Variants in ADAMTS7 observed in about 807,000 individuals in gnomAD.
ADAMTS7 encodes ADAM metallopeptidase with thrombospondin type 1 motif 7.
A neutral mutation model predicts 172.6 loss-of-function variants in ADAMTS7; 89 were observed. That is an observed-to-expected ratio of 0.52 (90% CI 0.43 to 0.61). The LOEUF (loss-of-function observed/expected upper bound fraction) is 0.61, where lower values mean the gene tolerates loss of function less well. ADAMTS7 is among the 20% of genes least tolerant of loss of function. ADAMTS7 has a pLI of 0.00. For missense variants in ADAMTS7, 1,973 were observed against 2,355.6 expected (o/e 0.84, Z 3.36); for synonymous variants, 885 against 978.4 (o/e 0.90, Z 1.78).
chr15:78,770,063 T>C (rs528934461), intron 16 of ADAMTS7, among the ~76,000 whole-genome samples: 1 of 152,104 alleles, frequency 6.6e-6, no homozygotes, highest in East Asian at 1.9e-4. Context: ...CTCGGGAGGC[T>C]GAGGAAGGAG....
chr15:78,784,443 G>T (rs987518380), intron 8 of ADAMTS7, among the ~76,000 whole-genome samples: 11 of 150,044 alleles, frequency 7.3e-5, no homozygotes, highest in African/African-American at 2.2e-4. Context: ...GGATAGAAAA[G>T]AAAATAAAAT....
intron 19 of ADAMTS7, 136 bp downstream of exon 19, chr15:78,765,509 C>T: frequency 7.0e-7 from 1 of 1,430,446 alleles, no homozygotes; most frequent in Non-Finnish European, 9.5e-7. Context: ...CCCCTCATCC[C>T]CCTAATCCTG....
At chr15:78,783,233 C>T (rs1394543637) in intron 8 of ADAMTS7, among the ~76,000 whole-genome samples, 6 of 152,190 alleles carry the variant, frequency 3.9e-5, no homozygotes, top group Non-Finnish European at 7.3e-5. Context: ...AGTATCTCTG[C>T]ATCTCCTTGC....
At chr15:78,781,514 G>C (rs2055428601) in intron 8 of ADAMTS7, among the ~76,000 whole-genome samples, 1 of 152,132 alleles carries the variant, frequency 6.6e-6, no homozygotes, top group Non-Finnish European at 1.5e-5. Flanking sequence ...CAAGGCTCTG[G>C]GAGGCCCCGG....
intron 19 of ADAMTS7, among the ~76,000 whole-genome samples, chr15:78,765,380 C>T (rs1596172271): frequency 3.9e-5 from 6 of 152,358 alleles, no homozygotes; most frequent in Admixed American, 3.9e-4. Flanking sequence ...ATGCGGGGAC[C>T]GTCCCCACTG....
At chr15:78,775,959 T>A (rs1003437237) in intron 11 of ADAMTS7, among the ~76,000 whole-genome samples, 1 of 152,154 alleles carries the variant, frequency 6.6e-6, no homozygotes, top group Non-Finnish European at 1.5e-5. Context: ...GTCTCTCTAG[T>A]CTCTGGGCCT....
At chr15:78,768,709 A>AGCT (rs1399518671) in intron 16 of ADAMTS7, among the ~76,000 whole-genome samples, 2 of 152,198 alleles carry the variant, frequency 1.3e-5, no homozygotes, top group Non-Finnish European at 2.9e-5. Context: ...GATCCATGCC[A>AGCT]GCTGCTGTTA....
rs990526570 is a variant in ADAMTS7 at position 78,776,581 on chromosome 15, C to G, written c.1560+168G>C. ...CCCTGGGGAATCATGGAATCAAGCC[C>G]TGGCCCCAATGCCTCCACTTTGCAG... On this transcript the variant is annotated intron_variant, in intron 10 of 23. Transcript: ENST00000388820. 8.1e-6 allele frequency: 7 copies of G among 867,246 alleles called. No homozygotes were observed. The African/African-American group carries it at 1.0e-4, about 13-fold the overall frequency. 53.7% of individuals were successfully genotyped at this position (867,246 alleles called of 1,614,324 possible). A position where few individuals can be genotyped will look rare whatever the true frequency, so the allele number is the denominator to read the frequency against.
At chr15:78,808,568 GT>G (rs1567248314) in intron 1 of ADAMTS7, among the ~76,000 whole-genome samples, 2 of 152,092 alleles carry the variant, frequency 1.3e-5, no homozygotes, top group African/African-American at 4.8e-5. Flanking sequence ...AACTTGTATT[GT>G]TTTGCCATTA....
intron 23 of ADAMTS7, among the ~76,000 whole-genome samples, chr15:78,761,751 TGTGTGTGTGCGCGCACG>T (rs1461506054): frequency 6.6e-6 from 1 of 151,980 alleles, no homozygotes; most frequent in Non-Finnish European, 1.5e-5. Flanking sequence ...TTGGCGTGTG[TGTGTGTGTGCGCGCACG>T]CACACATGCT....
chr15:78,764,134 A>G, intron 20 of ADAMTS7, 35 bp from the exon 21 acceptor site: 1 of 1,486,016 alleles, frequency 6.7e-7, no homozygotes, highest in Non-Finnish European at 9.0e-7. Flanking sequence ...ACACATCCCC[A>G]TGTGCAGGCC....
At chr15:78,770,244 G>T (rs893110228) in intron 16 of ADAMTS7, among the ~76,000 whole-genome samples, 2 of 151,478 alleles carry the variant, frequency 1.3e-5, no homozygotes, top group African/African-American at 4.9e-5. Flanking sequence ...GATAAAATGG[G>T]TTTCCTAGCT....
chr15:78,774,338 G>A lies in ADAMTS7; in HGVS notation c.1877-38C>T, dbSNP rs771248578. 8.5e-6 allele frequency: 13 copies of A among 1,525,612 alleles called. No individual in the cohort carries two copies. The African/African-American group carries it at 1.2e-4, about 14-fold the overall frequency. 94.5% of individuals were successfully genotyped at this position (1,525,612 alleles called of 1,614,324 possible). ...GTAGAAGAGTCATCAGCAACAGCTG[G>A]GGCGGGAGTATGGAGGCCACCAGGA... is the stretch of plus-strand genomic sequence containing the variant. On this transcript the variant is annotated intron_variant, in intron 12 of 23. Transcript: ENST00000388820.
rs1053585286 is a variant in ADAMTS7 at position 78,789,810 on chromosome 15, G to A, written c.1057C>T (p.Pro353Ser). Residue 353 changes from proline to serine, a missense_variant, in exon 7 of 24, where the codon CCC (proline) becomes TCC (serine). Transcript: ENST00000388820. ...RKDLCAAMNRPCETLGLSHVA... is the reference protein window; with the variant it reads ...RKDLCAAMNRSCETLGLSHVA... The stretch of plus-strand genomic sequence containing the variant: ...TGGGACAGTCCCAGGGTCTCACAGG[G>A]CCGGTTCATGGCTGCACACAGGTCC... 6.2e-7 allele frequency: 1 copy of A among 1,602,678 alleles called. No individual in the cohort carries two copies. The highest frequency in any genetic ancestry group is 8.5e-7 in the Non-Finnish European group (1 of 1,175,098).
At chr15:78,790,508 C>A (rs1366290223) in intron 6 of ADAMTS7, among the ~76,000 whole-genome samples, 162 bp downstream of exon 6, 4 of 152,190 alleles carry the variant, frequency 2.6e-5, no homozygotes, top group African/African-American at 7.2e-5. Context: ...AAAAAGACCT[C>A]CCCAAGTGCG....
rs150570920 is a variant in ADAMTS7, at chr15:78,762,415, C to T, written c.4891G>A (p.Val1631Ile). The change falls in exon 23 of 24, where the codon GTC becomes ATC. Residue 1631 changes from valine (V) to isoleucine (I), a missense_variant. Physicochemically the swap from Val to Ile is conservative, Grantham distance 29. Around this residue, in one of 8 missense-constraint regions of ADAMTS7, gnomAD observed 94 missense variants for 95.4 expected, o/e 0.99. Transcript: ENST00000388820. The stretch of plus-strand genomic sequence containing the variant: ...TCAGGGGACTCACGGGGAGGCTCGA[C>T]GGGCTCACAATCCTCGGTGCCACAC... ...RPCGTEDCEP[V>I]EPPRCERDRL... 4.4e-5 allele frequency: 66 copies of T among 1,488,788 alleles called. No individual in the cohort carries two copies. In the Admixed American group the frequency reaches 8.7e-4, roughly 20 times the overall value. 92.2% of individuals were successfully genotyped at this position (1,488,788 alleles called of 1,614,324 possible). A position where few individuals can be genotyped will look rare whatever the true frequency, so the allele number is the denominator to read the frequency against.
At chr15:78,793,288 G>T (rs1354392307) in intron 4 of ADAMTS7, among the ~76,000 whole-genome samples, 2 of 151,992 alleles carry the variant, frequency 1.3e-5, no homozygotes, top group Non-Finnish European at 2.9e-5. Flanking sequence ...TTCTGTTGGG[G>T]ATTCTCAATG....
intron 1 of ADAMTS7, among the ~76,000 whole-genome samples, chr15:78,810,327 C>T (rs1356419937): frequency 6.6e-6 from 1 of 152,282 alleles, no homozygotes; most frequent in Non-Finnish European, 1.5e-5. Flanking sequence ...GCTCCCTGAG[C>T]ACCGGGCCTG....
At position 78,800,228 on chromosome 15, in the gene ADAMTS7, C is replaced by G; in HGVS notation, c.420G>C (p.Glu140Asp). 1 of 1,595,012 alleles carries G rather than the reference C, an allele frequency of 6.3e-7. No homozygotes were observed. The highest frequency in any genetic ancestry group is 1.1e-5 in the South Asian group (1 of 90,896). The stretch of plus-strand genomic sequence containing the variant: ...AGGCGCTGATGGCCGCCAGGCCACC[C>G]TCGAGCTCAGGGTCCTGCACCTCGC... The part of the protein sequence containing the change: ...LLGEVQDPEL[E>D]GGLAAISACD... Residue 140 changes from glutamate (E) to aspartate (D), a missense_variant, in exon 2 of 24, where the codon GAG (glutamate) becomes GAC (aspartate). Physicochemically the swap from Glu to Asp is conservative, Grantham distance 45. Around this residue, in one of 8 missense-constraint regions of ADAMTS7, gnomAD observed 306 missense variants for 288.0 expected, o/e 1.06. Coordinates refer to ENST00000388820, the MANE Select transcript of ADAMTS7 (RefSeq NM_014272.5).
Sources: gnomAD v4.1 joint callset for allele counts (sites outside exome capture counted in the v4.1 genomes callset) on GRCh38, gnomAD v4.1.1 for gene constraint, gnomAD v4.1.1 regional missense constraint, MANE v1.5 for transcripts, NCBI Gene and HGNC (gene_info 2026-07-23, HGNC 2026-07-21) for gene names.